PTPRD: variants seen among roughly 807,000 people sequenced by gnomAD.
The protein encoded by PTPRD is protein tyrosine phosphatase receptor type D, also known as receptor-type tyrosine-protein phosphatase delta.
PTPRD carries 34 observed loss-of-function variants against 214.5 expected under a neutral mutation model. The ratio of observed to expected loss-of-function variants is 0.16; its 90% CI spans 0.12 to 0.21. PTPRD has a LOEUF of 0.21. Ranked by LOEUF, PTPRD falls within the 10% of genes least tolerant of loss-of-function variation. PTPRD has a pLI of 1.00. For synonymous variants in PTPRD, 1,128 were observed against 845.7 expected (o/e 1.33, Z -5.79); for missense variants, 2,545 against 2,398.7 (o/e 1.06, Z -1.27).
At chr9:9,610,589 A>C (rs543922518) in intron 7 of PTPRD, among the ~76,000 whole-genome samples, 1 of 152,270 alleles carries the variant, frequency 6.6e-6, no homozygotes, top group Non-Finnish European at 1.5e-5. Context: ...GTGAAATATT[A>C]TTTTACAAAT....
intron 14 of PTPRD, among the ~76,000 whole-genome samples, chr9:8,630,135 C>G (rs1033002717): frequency 6.6e-6 from 1 of 151,760 alleles, no homozygotes; most frequent in Non-Finnish European, 1.5e-5. Flanking sequence ...AGAGCTGGCA[C>G]ATTTTTGGCA....
chr9:9,079,264 C>G (rs993484300), intron 10 of PTPRD, among the ~76,000 whole-genome samples: 1 of 151,986 alleles, frequency 6.6e-6, no homozygotes, highest in Non-Finnish European at 1.5e-5. Flanking sequence ...TACATTAGAT[C>G]AAATTTTTTT....
At chr9:8,611,853 T>C (rs976807457) in intron 14 of PTPRD, among the ~76,000 whole-genome samples, 4 of 147,926 alleles carry the variant, frequency 2.7e-5, no homozygotes, top group African/African-American at 1.0e-4. Context: ...AGGAATAGCA[T>C]TCATTATCAC....
intron 5 of PTPRD, among the ~76,000 whole-genome samples, chr9:9,832,232 T>G (rs560840526): frequency 6.6e-6 from 1 of 151,962 alleles, no homozygotes; most frequent in Non-Finnish European, 1.5e-5. Context: ...GAAGTAGATC[T>G]TGGAGTAGCA....
intron 11 of PTPRD, among the ~76,000 whole-genome samples, chr9:8,929,729 ATG>A (rs1301035030): frequency 6.0e-5 from 6 of 99,472 alleles, no homozygotes; most frequent in African/African-American, 9.4e-5. Context: ...GTATATATAT[ATG>A]TGTATATATA....
At chr9:9,820,391 G>A (rs571965584) in intron 5 of PTPRD, among the ~76,000 whole-genome samples, 1 of 152,060 alleles carries the variant, frequency 6.6e-6, no homozygotes. Context: ...TTAGGCCTTT[G>A]TTGGATGCAT....
At chr9:8,881,305 A>G (rs183847424) in intron 11 of PTPRD, among the ~76,000 whole-genome samples, 1 of 152,224 alleles carries the variant, frequency 6.6e-6, no homozygotes, top group Non-Finnish European at 1.5e-5. Context: ...TTAATAACCA[A>G]TAGGAAAACT....
At chr9:8,663,768 G>A (rs1400797999) in intron 12 of PTPRD, among the ~76,000 whole-genome samples, 1 of 152,020 alleles carries the variant, frequency 6.6e-6, no homozygotes, top group Non-Finnish European at 1.5e-5. Flanking sequence ...TGGGATTACA[G>A]GTGTGAGCCA....
chr9:9,043,240 T>A (rs572111382), intron 10 of PTPRD, among the ~76,000 whole-genome samples: 1 of 152,262 alleles, frequency 6.6e-6, no homozygotes, highest in Non-Finnish European at 1.5e-5. Flanking sequence ...AATTAGTACA[T>A]CTCCTCTTTA....
intron 8 of PTPRD, among the ~76,000 whole-genome samples, chr9:9,422,634 T>C (rs1215539896): frequency 1.3e-5 from 2 of 152,118 alleles, no homozygotes; most frequent in East Asian, 3.9e-4. Flanking sequence ...TGATGTCAGA[T>C]AGACGCTGCC....
chr9:10,227,643 T>C (rs1224036068), intron 3 of PTPRD, among the ~76,000 whole-genome samples: 1 of 151,954 alleles, frequency 6.6e-6, no homozygotes, highest in African/African-American at 2.4e-5. Context: ...GATGCTGTAA[T>C]TGTTTATAAT....
At chr9:10,333,117 G>A (rs1212219840) in intron 3 of PTPRD, among the ~76,000 whole-genome samples, 1 of 151,794 alleles carries the variant, frequency 6.6e-6, no homozygotes, top group East Asian at 1.9e-4. Flanking sequence ...TGTAAAATAC[G>A]AAGTGAGGAT....
chr9:8,838,270 T>C (rs757599962), intron 11 of PTPRD, among the ~76,000 whole-genome samples: 1 of 150,508 alleles, frequency 6.6e-6, no homozygotes, highest in Non-Finnish European at 1.5e-5. Flanking sequence ...GTACTGCAAA[T>C]ACTTGGGGGA....
At chr9:9,603,398 T>C (rs1347407975) in intron 7 of PTPRD, among the ~76,000 whole-genome samples, 1 of 152,088 alleles carries the variant, frequency 6.6e-6, no homozygotes, top group African/African-American at 2.4e-5. Context: ...CTAATTTCAA[T>C]GTAATTAGAA....
At chr9:9,614,033 A>G (rs118158612) in intron 7 of PTPRD, among the ~76,000 whole-genome samples, 1,673 of 152,280 alleles carry the variant, frequency 0.011, 12 homozygotes, top group Non-Finnish European at 0.018. Flanking sequence ...TAGAAGTGTG[A>G]TGAAAATACA....
intron 34 of PTPRD, among the ~76,000 whole-genome samples, chr9:8,446,999 G>A (rs557858501): frequency 5.3e-5 from 8 of 152,248 alleles, no homozygotes; most frequent in South Asian, 2.1e-4. Context: ...TATTAACAGC[G>A]GAGTCTATTT....
intron 30 of PTPRD, among the ~76,000 whole-genome samples, chr9:8,480,925 G>A (rs909528683): frequency 6.6e-6 from 1 of 152,086 alleles, no homozygotes; most frequent in Admixed American, 6.5e-5. Flanking sequence ...GGATCACGAG[G>A]TCAGGAGATC....
At chr9:10,070,029 T>C (rs564794131) in intron 3 of PTPRD, among the ~76,000 whole-genome samples, 2 of 152,166 alleles carry the variant, frequency 1.3e-5, no homozygotes, top group African/African-American at 4.8e-5. Context: ...GACCTACTGA[T>C]TCCAAATTTT....
chr9:9,613,754 A>C (rs1035868841), intron 7 of PTPRD, among the ~76,000 whole-genome samples: 1 of 152,152 alleles, frequency 6.6e-6, no homozygotes, highest in Non-Finnish European at 1.5e-5. Flanking sequence ...CCCACCCCCT[A>C]GTCTACTAGG....
Sources: gnomAD v4.1 joint callset for allele counts (sites outside exome capture counted in the v4.1 genomes callset) on GRCh38, gnomAD v4.1.1 for gene constraint, MANE v1.5 for transcripts, NCBI Gene and HGNC (gene_info 2026-07-23, HGNC 2026-07-21) for gene names.